Variants in VGLL4 observed in about 807,000 individuals in gnomAD.
The protein encoded by VGLL4 is vestigial like family member 4.
Under a neutral mutation model 21.0 loss-of-function variants are expected in VGLL4, and 7 were observed. The observed-to-expected ratio is 0.33, with a 90% CI of 0.19 to 0.63. VGLL4 has a LOEUF of 0.63. Among genes scored for constraint, VGLL4 ranks in the 20% least tolerant of loss-of-function variants. The pLI is 0.78. For missense variants in VGLL4, 394 were observed against 425.7 expected (o/e 0.93, Z 0.66); for synonymous variants, 222 against 173.2 (o/e 1.28, Z -2.21).
chr3:11,667,433 T>A lies in VGLL4; in HGVS notation c.64+35538A>T, dbSNP rs75227337. Among the ~76,000 whole-genome samples, 884 of 152,354 alleles carry A rather than the reference T, an allele frequency of 5.8e-3. 10 individuals are homozygous for A. The highest frequency in any genetic ancestry group is 0.02 in the African/African-American group (842 of 41,580). Reference sequence around the variant, plus strand: ...ATTACGTACCTTTATATTAGGTAAATTGTGACATATACTATTTACATATTG... The same window carrying A: ...ATTACGTACCTTTATATTAGGTAAAATGTGACATATACTATTTACATATTG... On this transcript the variant is annotated intron_variant, in intron 2 of 5. Coordinates refer to the VGLL4 transcript ENST00000273038.
rs185766278 is a variant in VGLL4, at chr3:11,559,491, G to C, written c.496-36C>G. On this transcript the variant is annotated intron_variant, in intron 3 of 4. Transcript: ENST00000430365. ...GAGGGGTGTCAGTATGTGGAGACCA[G>C]CTTCAGTACCGGGCACCACCCCTGG... The C allele has an allele frequency of 5.2e-5, 79 of 1,519,042 alleles. No homozygotes were observed. The Middle Eastern group carries it at 7.1e-4, about 14-fold the overall frequency. 94.1% of individuals were successfully genotyped at this position (1,519,042 alleles called of 1,614,324 possible).
At chr3:11,693,450 A>G (rs2076561068) in intron 2 of VGLL4, among the ~76,000 whole-genome samples, 1 of 152,216 alleles carries the variant, frequency 6.6e-6, no homozygotes, top group South Asian at 2.1e-4. Flanking sequence ...TCAACAGGCA[A>G]GGATCTGCTA....
intron 2 of VGLL4, among the ~76,000 whole-genome samples, chr3:11,677,775 T>C (rs548678070): frequency 7.5e-4 from 114 of 151,912 alleles, no homozygotes; most frequent in Admixed American, 1.2e-3. Flanking sequence ...CGTGGTGGCA[T>C]GCACCTGTAG....
At chr3:11,582,533 G>C in intron 2 of VGLL4, 1 of 605,062 alleles carries the variant, frequency 1.7e-6, no homozygotes, top group East Asian at 2.8e-5. Flanking sequence ...TATTTATAGA[G>C]GGTGCCTTGC....
intron 2 of VGLL4, among the ~76,000 whole-genome samples, chr3:11,573,926 C>T (rs975010466): frequency 1.3e-5 from 2 of 152,158 alleles, no homozygotes; most frequent in African/African-American, 4.8e-5. Context: ...TATTAGAAAA[C>T]ACTGGAAATC....
Position 11,622,977 on chromosome 3 carries a change from G to A in VGLL4, c.82+20460C>T, listed in dbSNP as rs139519389. On this transcript the variant is annotated intron_variant, in intron 1 of 4. Transcript: ENST00000430365. Reference sequence around the variant, plus strand: ...GAATTACCCATTTACTTACATACTTGGTATTTGAGCAAATATCTTAAATAG... The same window carrying A: ...GAATTACCCATTTACTTACATACTTAGTATTTGAGCAAATATCTTAAATAG... 2.9e-3 allele frequency among the ~76,000 whole-genome samples: 444 copies of A among 152,158 alleles called. 7 individuals carry two copies. Among genetic ancestry groups the A allele is most frequent in the Admixed American group, 0.02 (306 of 15,282 alleles).
chr3:11,618,472 G>A (rs1027488060), intron 1 of VGLL4, among the ~76,000 whole-genome samples: 2 of 152,118 alleles, frequency 1.3e-5, no homozygotes, highest in African/African-American at 4.8e-5. Flanking sequence ...ATACCAAAAT[G>A]TATTTATTTC....
chr3:11,644,559 AT>A (rs2075757511), upstream of VGLL4, among the ~76,000 whole-genome samples: 1 of 152,128 alleles, frequency 6.6e-6, no homozygotes, highest in Non-Finnish European at 1.5e-5. Context: ...TTATAATTTT[AT>A]TTAAAAAAAC....
chr3:11,578,306 G>A (rs548644027), intron 2 of VGLL4, among the ~76,000 whole-genome samples: 324 of 152,238 alleles, frequency 2.1e-3, no homozygotes, highest in Non-Finnish European at 3.9e-3. Context: ...GAATGAGTGC[G>A]TGCAGGCATA....
At chr3:11,632,626 T>C (rs1479837940) in intron 1 of VGLL4, among the ~76,000 whole-genome samples, 2 of 152,236 alleles carry the variant, frequency 1.3e-5, no homozygotes, top group African/African-American at 4.8e-5. Context: ...CTCAAATTCA[T>C]ATTCTGAAGT....
At chr3:11,640,584 T>C (rs1407254927) in intron 1 of VGLL4, among the ~76,000 whole-genome samples, 2 of 152,184 alleles carry the variant, frequency 1.3e-5, no homozygotes, top group African/African-American at 4.8e-5. Flanking sequence ...CTTCCGGCCC[T>C]CTCCCTAACG....
intron 2 of VGLL4, among the ~76,000 whole-genome samples, chr3:11,665,587 A>G (rs2076110093): frequency 6.6e-6 from 1 of 152,230 alleles, no homozygotes; most frequent in East Asian, 1.9e-4. Context: ...GAGGGCATCC[A>G]GCATTGCTCC....
Position 11,595,852 on chromosome 3 carries a change from GGGAA to G in VGLL4, c.272+5977_272+5980del, listed in dbSNP as rs1559887742. Among the ~76,000 whole-genome samples the G allele has an allele frequency of 1.4e-3, 4 of 2,894 alleles. No homozygotes were observed. In the East Asian group the frequency reaches 0.029, roughly 21 times the overall value. The allele number at this position is 2,894 out of a possible 152,430, so 1.9% of individuals were successfully genotyped here. On this transcript the variant is annotated intron_variant, in intron 2 of 4. Coordinates refer to ENST00000430365, the MANE Select transcript of VGLL4 (RefSeq NM_001128219.3). ...GGACTGTTGTGGTGTGGGGGGGGCG[GGGAA>G]TAGCATTAGGAGATATACCTAATGC...
chr3:11,570,802 G>A (rs2073744437), intron 2 of VGLL4, among the ~76,000 whole-genome samples: 2 of 152,120 alleles, frequency 1.3e-5, no homozygotes, highest in Non-Finnish European at 2.9e-5. Flanking sequence ...CCTCCTCCCT[G>A]CTTCTAAATG....
At chr3:11,682,882 G>T (rs1006591640) in intron 2 of VGLL4, among the ~76,000 whole-genome samples, 9 of 152,114 alleles carry the variant, frequency 5.9e-5, no homozygotes, top group African/African-American at 2.2e-4. Flanking sequence ...AGCATCTTCT[G>T]CATGGAAGTC....
chr3:11,691,340 T>C (rs1176870476), intron 2 of VGLL4, among the ~76,000 whole-genome samples: 1 of 151,824 alleles, frequency 6.6e-6, no homozygotes, highest in Non-Finnish European at 1.5e-5. Context: ...AGGTTTCCAG[T>C]TTGTCTTGAG....
intron 2 of VGLL4, among the ~76,000 whole-genome samples, chr3:11,570,358 T>C (rs2073726194): frequency 1.3e-5 from 2 of 152,014 alleles, no homozygotes; most frequent in Non-Finnish European, 1.5e-5. Flanking sequence ...AAAGGAGCAG[T>C]GCGGAGATGC....
chr3:11,609,764 G>A (rs2075020754), intron 1 of VGLL4, among the ~76,000 whole-genome samples: 1 of 152,198 alleles, frequency 6.6e-6, no homozygotes, highest in South Asian at 2.1e-4. Flanking sequence ...GCGATGGCAT[G>A]GCTCTGAGCA....
intron 2 of VGLL4, among the ~76,000 whole-genome samples, chr3:11,660,290 C>T (rs1365812046): frequency 6.6e-6 from 1 of 152,172 alleles, no homozygotes; most frequent in East Asian, 1.9e-4. Context: ...TCTACTTCTG[C>T]ATCTTTGAAA....
Sources: gnomAD v4.1 joint callset for allele counts (sites outside exome capture counted in the v4.1 genomes callset) on GRCh38, gnomAD v4.1.1 for gene constraint, MANE v1.5 for transcripts, NCBI Gene and HGNC (gene_info 2026-07-23, HGNC 2026-07-21) for gene names.